KIAA1958: variants seen among roughly 807,000 people sequenced by gnomAD.
KIAA1958 encodes KIAA1958, also known as uncharacterized protein KIAA1958.
KIAA1958 carries 14 observed loss-of-function variants against 47.2 expected under a neutral mutation model. The ratio of observed to expected loss-of-function variants is 0.30; its 90% CI spans 0.20 to 0.46. The LOEUF (loss-of-function observed/expected upper bound fraction) is 0.46. KIAA1958 is among the 20% of genes least tolerant of loss of function. KIAA1958 has a pLI of 1.00. For missense variants in KIAA1958, 803 were observed against 909.2 expected, an observed-to-expected ratio of 0.88 and a Z score of 1.50; for synonymous variants, 354 against 353.3, an observed-to-expected ratio of 1.00 and a Z score of -0.02.
intron 1 of KIAA1958, among the ~76,000 whole-genome samples, chr9:112,569,468 A>G (rs1256272291): frequency 6.6e-6 from 1 of 152,218 alleles, no homozygotes; most frequent in Non-Finnish European, 1.5e-5. Flanking sequence ...TGCTGAAAGG[A>G]ATGCCAGTGC....
chr9:112,619,061 A>G (rs1204405197), intron 2 of KIAA1958: 5 of 814,574 alleles, frequency 6.1e-6, no homozygotes, highest in Non-Finnish European at 7.7e-6. Context: ...TCTTTTTACA[A>G]ATAAGCCAAT....
intron 1 of KIAA1958, among the ~76,000 whole-genome samples, chr9:112,545,740 A>G (rs1345889730): frequency 1.8e-5 from 2 of 111,946 alleles, no homozygotes; most frequent in South Asian, 5.4e-4. Flanking sequence ...GTTGTTTTTT[A>G]TTTTCTTTTT....
intron 2 of KIAA1958, among the ~76,000 whole-genome samples, chr9:112,619,913 G>T (rs1836471746): frequency 6.6e-6 from 1 of 152,144 alleles, no homozygotes; most frequent in Non-Finnish European, 1.5e-5. Flanking sequence ...TTACTTAGAA[G>T]CATTAAACAG....
intron 1 of KIAA1958, among the ~76,000 whole-genome samples, chr9:112,544,478 A>C (rs1392556621): frequency 6.6e-6 from 1 of 152,228 alleles, no homozygotes; most frequent in Non-Finnish European, 1.5e-5. Context: ...TTAGAAGAGA[A>C]TAGGTGTTCA....
chr9:112,621,918 T>A (rs1031556027), intron 2 of KIAA1958, among the ~76,000 whole-genome samples: 4 of 152,120 alleles, frequency 2.6e-5, no homozygotes, highest in African/African-American at 9.7e-5. Context: ...CTTGGCTAAT[T>A]TTTTGTAGAG....
chr9:112,579,679 T>G (rs969809965), intron 2 of KIAA1958, among the ~76,000 whole-genome samples: 1 of 152,226 alleles, frequency 6.6e-6, no homozygotes, highest in Non-Finnish European at 1.5e-5. Flanking sequence ...AAAAATGCAT[T>G]CAGAAAGAAA....
rs10981422 is a variant in KIAA1958, at chr9:112,489,569, C to G, written c.-25+2451C>G. On this transcript the variant is annotated intron_variant, in intron 1 of 3. Coordinates refer to ENST00000337530, the MANE Select transcript of KIAA1958 (RefSeq NM_133465.4). ...GTGTGATCAGAAGCATTCCAGAGAA[C>G]CTTACATATTTTCAGCTGATTTCCT... 8.5e-3 allele frequency among the ~76,000 whole-genome samples: 1,282 copies of G among 151,130 alleles called. 21 individuals carry two copies. The highest frequency in any genetic ancestry group is 0.013 in the Non-Finnish European group (895 of 67,880).
rs1407480045 is a variant in KIAA1958 at position 112,659,355 on chromosome 9, T to C, written c.1437T>C (p.His479=). The change falls in exon 4 of 4, where the codon CAT becomes CAC. Residue 479 remains histidine (H), a synonymous_variant. Coordinates refer to ENST00000337530, the MANE Select transcript of KIAA1958 (RefSeq NM_133465.4). The stretch of plus-strand genomic sequence containing the variant: ...CGGACTTCCTGGCCACCTCGCTCCA[T>C]GCTATTCGCCGAGGCCTGGACCGCA... ...DGSDFLATSL[H]AIRRGLDRIL... 6.2e-7 allele frequency: 1 copy of C among 1,614,108 alleles called. No individual in the cohort carries two copies. Among genetic ancestry groups the C allele is most frequent in the Non-Finnish European group, 8.5e-7 (1 of 1,180,008 alleles).
At chr9:112,539,662 A>G (rs1834907948) in intron 1 of KIAA1958, among the ~76,000 whole-genome samples, 1 of 151,770 alleles carries the variant, frequency 6.6e-6, no homozygotes, top group Non-Finnish European at 1.5e-5. Context: ...ATTGAATTGT[A>G]CTTAAAAGTA....
chr9:112,546,875 A>G (rs1201285827), intron 1 of KIAA1958, among the ~76,000 whole-genome samples: 1 of 152,040 alleles, frequency 6.6e-6, no homozygotes, highest in Non-Finnish European at 1.5e-5. Flanking sequence ...TAGGTTAGCT[A>G]CTGCCTCTCT....
chr9:112,588,991 G>A (rs896726136), intron 2 of KIAA1958, among the ~76,000 whole-genome samples: 2 of 151,266 alleles, frequency 1.3e-5, no homozygotes, highest in Non-Finnish European at 2.9e-5. Context: ...TGTTGCCCAG[G>A]CTGGTTTTAA....
At chr9:112,542,795 C>T (rs895354913) in intron 1 of KIAA1958, among the ~76,000 whole-genome samples, 3 of 151,742 alleles carry the variant, frequency 2.0e-5, no homozygotes, top group Non-Finnish European at 4.4e-5. Flanking sequence ...GTGTTCAGAA[C>T]AGACTGATTA....
At chr9:112,617,615 C>G (rs1484234492) in intron 2 of KIAA1958, among the ~76,000 whole-genome samples, 2 of 152,154 alleles carry the variant, frequency 1.3e-5, no homozygotes, top group Admixed American at 1.3e-4. Context: ...CCTTCATGCA[C>G]TAAACTATGT....
chr9:112,500,455 ATT>A (rs201069638), intron 1 of KIAA1958, among the ~76,000 whole-genome samples: 17 of 139,356 alleles, frequency 1.2e-4, no homozygotes, highest in East Asian at 2.1e-4. Context: ...AATATCATTA[ATT>A]TTTTTTTTTT....
Position 112,669,034 on chromosome 9 carries a change from ACAT to A in KIAA1958, c.*8969_*8971del, listed in dbSNP as rs1244360210. On this transcript the variant is annotated 3_prime_UTR_variant, in exon 4 of 4. Transcript: ENST00000337530. ...TACCCATAATTTCTTAACACTGGAAACATCATTCTGAACGATGTAGGAAGCGGT... is the reference window on the plus strand; with the variant it reads ...TACCCATAATTTCTTAACACTGGAAACATTCTGAACGATGTAGGAAGCGGT... The A allele has an allele frequency of 1.3e-5, 2 of 152,346 alleles. No homozygotes were observed. Among genetic ancestry groups the A allele is most frequent in the East Asian group, 3.9e-4 (2 of 5,190 alleles). 9.4% of individuals were successfully genotyped at this position (152,346 alleles called of 1,614,324 possible).
intron 2 of KIAA1958, among the ~76,000 whole-genome samples, chr9:112,639,351 A>G (rs576113816): frequency 2.0e-5 from 3 of 152,268 alleles, no homozygotes; most frequent in African/African-American, 4.8e-5. Flanking sequence ...AGCTCAACCT[A>G]TAATGCCCTG....
chr9:112,497,701 T>C (rs1834068130), intron 1 of KIAA1958, among the ~76,000 whole-genome samples: 1 of 152,180 alleles, frequency 6.6e-6, no homozygotes, highest in Non-Finnish European at 1.5e-5. Flanking sequence ...AATTTAAAAC[T>C]TAATTAAAAA....
At chr9:112,603,723 C>G (rs1836175939) in intron 2 of KIAA1958, among the ~76,000 whole-genome samples, 1 of 152,204 alleles carries the variant, frequency 6.6e-6, no homozygotes, top group South Asian at 2.1e-4. Context: ...CCATCAGGGA[C>G]TTACCTTTGA....
intron 1 of KIAA1958, among the ~76,000 whole-genome samples, chr9:112,529,693 A>G (rs62567857): frequency 0.11 from 17,127 of 152,156 alleles, 1,389 homozygotes; most frequent in East Asian, 0.19. Context: ...TGCTATCAAC[A>G]TGAATTATTA....
Sources: allele counts gnomAD v4.1 joint callset (sites outside exome capture counted in the v4.1 genomes callset), GRCh38; gene constraint gnomAD v4.1.1; transcripts MANE v1.5; gene names NCBI Gene and HGNC (gene_info 2026-07-23, HGNC 2026-07-21).